The following TBL1Y variants were observed in gnomAD, a reference collection of about 807,000 sequenced individuals.
The protein encoded by TBL1Y is transducin beta like 1 Y-linked, also known as F-box-like/WD repeat-containing protein TBL1Y.
TBL1Y carries 15 observed loss-of-function variants against 12.0 expected under a neutral mutation model. The observed-to-expected ratio is 1.25, with a 90% CI of 0.83 to 1.92. The LOEUF (loss-of-function observed/expected upper bound fraction) is 1.92. Ranked by LOEUF, TBL1Y falls within the 40% of genes most tolerant of loss-of-function variation. The pLI is 0.00. For synonymous variants in TBL1Y, 53 were observed against 42.6 expected (o/e 1.24, Z -0.95); for missense variants, 148 against 116.7 (o/e 1.27, Z -1.24).
chrY:7,091,452 T>A lies in TBL1Y; in HGVS notation c.1549-20T>A, dbSNP rs1445441418. 2.6e-6 allele frequency: 1 copy of A among 379,949 alleles called. No individual in the cohort carries two copies. Among genetic ancestry groups the A allele is most frequent in the East Asian group, 9.7e-5 (1 of 10,287 alleles). The allele number at this position is 379,949 out of a possible 400,897, so 94.8% of individuals were successfully genotyped here. A position where few individuals can be genotyped will look rare whatever the true frequency, so the allele number is the denominator to read the frequency against. ...TTGGGTTATTTCTGAAGATGACAAGTACTTTGTCTTTCCTTCCAGGTGTGT... is the reference window on the plus strand; with the variant it reads ...TTGGGTTATTTCTGAAGATGACAAGAACTTTGTCTTTCCTTCCAGGTGTGT... On this transcript the variant is annotated intron_variant, in intron 18 of 18. Transcript: ENST00000383032.
At chrY:6,919,789 A>G in intron 2 of TBL1Y, 3 of 34,153 alleles carry the variant, frequency 8.8e-5, no homozygotes, top group Non-Finnish European at 2.2e-4. Flanking sequence ...AGCCCAATGA[A>G]TTAAAGATAA....
At position 7,090,176 on chromosome Y, in the gene TBL1Y, G is replaced by GC; in HGVS notation, c.1535dup (p.Ser513ValfsTer2). On this transcript the variant is annotated frameshift_variant, in exon 18 of 19. Transcript: ENST00000383032. LOFTEE classifies it high-confidence loss of function. ...CCGAGGAGATAAAGTGGGCGCCAGC[G>GC]CGTCTGATGGCTCTGTAAGCAACAC... The GC allele has an allele frequency of 2.5e-6, 1 of 396,686 alleles. No homozygotes were observed. Among genetic ancestry groups the GC allele is most frequent in the Non-Finnish European group, 3.5e-6 (1 of 281,911 alleles).
chrY:7,077,292 C>G, intron 13 of TBL1Y, among the ~76,000 whole-genome samples: 1 of 33,542 alleles, frequency 3.0e-5, no homozygotes. Context: ...AGAATTAGGG[C>G]TATTGAAGCA....
At chrY:6,995,286 A>G in intron 3 of TBL1Y, among the ~76,000 whole-genome samples, 1 of 32,861 alleles carries the variant, frequency 3.0e-5, no homozygotes, top group Non-Finnish European at 7.5e-5. Context: ...AGGTCACCCC[A>G]TTACAGTAGT....
intron 2 of TBL1Y, among the ~76,000 whole-genome samples, chrY:6,947,489 G>T: frequency 3.0e-5 from 1 of 33,621 alleles, no homozygotes; most frequent in Admixed American, 2.7e-4. Context: ...AAAGAAGGAA[G>T]AAAATTGAAA....
At chrY:6,949,222 C>T in intron 2 of TBL1Y, among the ~76,000 whole-genome samples, 1 of 33,824 alleles carries the variant, frequency 3.0e-5, no homozygotes, top group African/African-American at 1.2e-4. Context: ...CACAAAGATT[C>T]AGAATAGAAA....
intron 8 of TBL1Y, among the ~76,000 whole-genome samples, chrY:7,066,472 A>G: frequency 6.1e-5 from 2 of 33,031 alleles, no homozygotes; most frequent in African/African-American, 2.4e-4. Flanking sequence ...GGATTCAACA[A>G]TTCTCCTGCC....
At chrY:7,089,086 G>C in intron 17 of TBL1Y, among the ~76,000 whole-genome samples, 1 of 33,244 alleles carries the variant, frequency 3.0e-5, no homozygotes, top group Non-Finnish European at 7.4e-5. Flanking sequence ...TCTCCCAAAG[G>C]GCTGGGGATT....
At chrY:6,982,362 G>T (rs2012291318) in intron 3 of TBL1Y, among the ~76,000 whole-genome samples, 1 of 32,562 alleles carries the variant, frequency 3.1e-5, no homozygotes, top group Non-Finnish European at 7.5e-5. Context: ...AAGCCGAGAG[G>T]GGGGACTGGT....
chrY:6,970,560 G>A, intron 2 of TBL1Y, among the ~76,000 whole-genome samples: 3 of 33,448 alleles, frequency 9.0e-5, no homozygotes, highest in Non-Finnish European at 1.5e-4. Context: ...CCAAAGTGCT[G>A]GGATTACAGG....
At chrY:7,013,103 G>C in intron 4 of TBL1Y, among the ~76,000 whole-genome samples, 2 of 34,053 alleles carry the variant, frequency 5.9e-5, no homozygotes, top group African/African-American at 2.3e-4. Flanking sequence ...CTGCCTAGTG[G>C]AGCTGTGTTA....
At chrY:6,956,387 A>G in intron 2 of TBL1Y, among the ~76,000 whole-genome samples, 1 of 32,951 alleles carries the variant, frequency 3.0e-5, no homozygotes, top group Non-Finnish European at 7.5e-5. Context: ...TTAACCCTCC[A>G]TTTATTTTAT....
intron 4 of TBL1Y, among the ~76,000 whole-genome samples, chrY:7,011,155 G>A: frequency 3.0e-5 from 1 of 33,527 alleles, no homozygotes; most frequent in Non-Finnish European, 7.4e-5. Flanking sequence ...CTTAACTGTG[G>A]CACTGTAGAC....
intron 8 of TBL1Y, among the ~76,000 whole-genome samples, chrY:7,066,643 G>A (rs868356583): frequency 9.1e-5 from 3 of 32,876 alleles, no homozygotes; most frequent in Middle Eastern, 0.03. Context: ...TGGAATTACC[G>A]GCGTCAGCCA....
At chrY:6,987,168 G>A in intron 3 of TBL1Y, among the ~76,000 whole-genome samples, 7 of 32,767 alleles carry the variant, frequency 2.1e-4, no homozygotes, top group Non-Finnish European at 3.7e-4. Flanking sequence ...TTGACAACAC[G>A]TATAGATTCA....
intron 2 of TBL1Y, among the ~76,000 whole-genome samples, chrY:6,971,566 GA>G (rs2012206695): frequency 3.5e-5 from 1 of 28,625 alleles, no homozygotes; most frequent in Non-Finnish European, 8.4e-5. Flanking sequence ...ATTAGTATGA[GA>G]GGGGGAGGGA....
At chrY:6,988,816 G>A (rs2012342034) in intron 3 of TBL1Y, among the ~76,000 whole-genome samples, 2 of 33,110 alleles carry the variant, frequency 6.0e-5, no homozygotes, top group Non-Finnish European at 1.5e-4. Context: ...AACATGCATG[G>A]TGTATGGAAT....
chrY:6,911,196 C>G, intron 1 of TBL1Y, among the ~76,000 whole-genome samples: 1 of 34,765 alleles, frequency 2.9e-5, no homozygotes, highest in Admixed American at 2.5e-4. Flanking sequence ...TTCCGCTCCC[C>G]CAAAGTGCGT....
At chrY:7,091,297 C>A in intron 18 of TBL1Y, among the ~76,000 whole-genome samples, 175 bp from the exon 19 acceptor site, 1 of 33,359 alleles carries the variant, frequency 3.0e-5, no homozygotes, top group African/African-American at 1.2e-4. Context: ...GTCCATATGC[C>A]AGTCTGTTAT....
Sources: gnomAD v4.1 joint callset for allele counts (sites outside exome capture counted in the v4.1 genomes callset) on GRCh38, gnomAD v4.1.1 for gene constraint, MANE v1.5 for transcripts, NCBI Gene and HGNC (gene_info 2026-07-23, HGNC 2026-07-21) for gene names.